UNC5D: variants seen among roughly 807,000 people sequenced by gnomAD.
The protein encoded by UNC5D is netrin receptor UNC5D.
In UNC5D, 39 loss-of-function variants were observed where a neutral mutation model predicts 105.4. That is an observed-to-expected ratio of 0.37 (90% CI 0.29 to 0.48). The LOEUF is 0.48. Among genes scored for constraint, UNC5D ranks in the 20% least tolerant of loss-of-function variants. The pLI, the probability that UNC5D is intolerant of heterozygous loss-of-function variation, is 0.98. For missense variants in UNC5D, 991 were observed against 1,202.4 expected (o/e 0.82, Z 2.60); for synonymous variants, 452 against 450.4 (o/e 1.00, Z -0.04).
At chr8:35,238,186 G>A (rs933382328) in intron 1 of UNC5D, among the ~76,000 whole-genome samples, 2 of 152,062 alleles carry the variant, frequency 1.3e-5, no homozygotes, top group African/African-American at 2.4e-5. Context: ...ATTCAGTAGC[G>A]TTTTCTTTAC....
At chr8:35,635,977 T>C (rs969987896) in intron 4 of UNC5D, among the ~76,000 whole-genome samples, 7 of 152,194 alleles carry the variant, frequency 4.6e-5, no homozygotes, top group African/African-American at 1.7e-4. Flanking sequence ...GAGGAAACTA[T>C]TGAGGAAGAA....
At position 35,418,945 on chromosome 8, in the gene UNC5D, A is replaced by C. The variant is rs1017459500; in HGVS notation, c.104-130347A>C. Reference sequence around the variant, plus strand: ...ATTTGTGGAAACAGCCTAACAATTCATAGGATGGTCACTCAATTCTGCTGC... The same window carrying C: ...ATTTGTGGAAACAGCCTAACAATTCCTAGGATGGTCACTCAATTCTGCTGC... On this transcript the variant is annotated intron_variant, in intron 1 of 16. Coordinates refer to ENST00000404895, the MANE Select transcript of UNC5D (RefSeq NM_080872.4). Among the ~76,000 whole-genome samples the C allele has an allele frequency of 9.8e-5, 15 of 152,328 alleles. 1 individual carries two copies. Among genetic ancestry groups the C allele is most frequent in the African/African-American group, 3.1e-4 (13 of 41,582 alleles).
intron 1 of UNC5D, among the ~76,000 whole-genome samples, chr8:35,444,476 ATG>A (rs376078271): frequency 6.6e-6 from 1 of 151,858 alleles, no homozygotes; most frequent in South Asian, 2.1e-4. Context: ...TAGAATGAGT[ATG>A]TGTGTGTGTG....
intron 1 of UNC5D, among the ~76,000 whole-genome samples, chr8:35,288,959 C>A (rs539656310): frequency 2.6e-5 from 4 of 152,032 alleles, no homozygotes; most frequent in Non-Finnish European, 4.4e-5. Flanking sequence ...ACCTAAAAAA[C>A]AATCAGGAAA....
At chr8:35,643,473 C>G (rs1033686245) in intron 4 of UNC5D, among the ~76,000 whole-genome samples, 2 of 152,124 alleles carry the variant, frequency 1.3e-5, no homozygotes, top group African/African-American at 4.8e-5. Context: ...CATGCCACCA[C>G]CCCCAGCTAA....
At chr8:35,736,478 C>T (rs528329078) in intron 11 of UNC5D, among the ~76,000 whole-genome samples, 3 of 152,164 alleles carry the variant, frequency 2.0e-5, no homozygotes, top group Admixed American at 1.3e-4. Context: ...TCAAGGGACC[C>T]TGCTACTATG....
chr8:35,499,780 G>C (rs1258805936), intron 1 of UNC5D, among the ~76,000 whole-genome samples: 1 of 152,180 alleles, frequency 6.6e-6, no homozygotes, highest in East Asian at 1.9e-4. Context: ...ATATGGAACA[G>C]TTAATGCCTT....
chr8:35,621,182 A>G (rs1036460302), intron 4 of UNC5D, among the ~76,000 whole-genome samples: 1 of 152,174 alleles, frequency 6.6e-6, no homozygotes, highest in Non-Finnish European at 1.5e-5. Flanking sequence ...AATCTCATTA[A>G]GATGCTCTCT....
At chr8:35,560,024 ACCATCCAACGG>A (rs1318525875) in intron 2 of UNC5D, among the ~76,000 whole-genome samples, 1 of 152,206 alleles carries the variant, frequency 6.6e-6, no homozygotes, top group Non-Finnish European at 1.5e-5. Context: ...CTACAACTAA[ACCATCCAACGG>A]CCTAGAAAGC....
intron 4 of UNC5D, among the ~76,000 whole-genome samples, chr8:35,639,831 G>A (rs1822600938): frequency 6.6e-6 from 1 of 151,860 alleles, no homozygotes; most frequent in Non-Finnish European, 1.5e-5. Context: ...TGCAACCTCT[G>A]CCTCTTGAGC....
At chr8:35,525,226 G>C (rs1813780441) in intron 1 of UNC5D, 7 of 1,611,566 alleles carry the variant, frequency 4.3e-6, no homozygotes, top group Non-Finnish European at 5.1e-6. Flanking sequence ...TGTGAACGTT[G>C]CAGTATCTTT....
chr8:35,700,553 A>G (rs1381924342), intron 7 of UNC5D, among the ~76,000 whole-genome samples: 1 of 152,204 alleles, frequency 6.6e-6, no homozygotes. Context: ...TAATCACCAG[A>G]GATTTCAGGA....
chr8:35,271,217 A>C (rs906729906), intron 1 of UNC5D, among the ~76,000 whole-genome samples: 2 of 148,462 alleles, frequency 1.3e-5, no homozygotes, highest in African/African-American at 2.4e-5. Flanking sequence ...AAATCTAAAA[A>C]AGTATACCTG....
rs904331522 is a variant in UNC5D, at chr8:35,491,109, G to T, written c.104-58183G>T. On this transcript the variant is annotated intron_variant, in intron 1 of 16. Coordinates refer to ENST00000404895, the MANE Select transcript of UNC5D (RefSeq NM_080872.4). ...GCTGCTTTAATATTACTTATTAAGG[G>T]TTTACCATTGTTTTTTATTTGCTTG... is the stretch of plus-strand genomic sequence containing the variant. Among the ~76,000 whole-genome samples the T allele has an allele frequency of 8.6e-5, 13 of 151,968 alleles. No individual in the cohort carries two copies. The South Asian group carries it at 2.3e-3, about 27-fold the overall frequency.
intron 3 of UNC5D, among the ~76,000 whole-genome samples, chr8:35,582,878 C>T (rs1056877210): frequency 6.6e-6 from 1 of 152,192 alleles, no homozygotes; most frequent in African/African-American, 2.4e-5. Flanking sequence ...AGAGGTCACT[C>T]AGGAAAGTCA....
At chr8:35,415,743 T>C (rs1184620093) in intron 1 of UNC5D, among the ~76,000 whole-genome samples, 1 of 152,186 alleles carries the variant, frequency 6.6e-6, no homozygotes, top group Admixed American at 6.5e-5. Flanking sequence ...ACTAAGTATT[T>C]CCAAATATAT....
intron 4 of UNC5D, among the ~76,000 whole-genome samples, chr8:35,605,229 A>G (rs1322375624): frequency 1.3e-5 from 2 of 152,056 alleles, no homozygotes; most frequent in East Asian, 1.9e-4. Context: ...TTTGGTGTGG[A>G]TGTCCTTTCT....
chr8:35,778,752 T>G (rs1340768409), intron 16 of UNC5D, among the ~76,000 whole-genome samples: 1 of 152,254 alleles, frequency 6.6e-6, no homozygotes, highest in East Asian at 1.9e-4. Context: ...AGAAAACATT[T>G]GCTTTTACTT....
chr8:35,561,540 T>G (rs769992421), intron 2 of UNC5D, among the ~76,000 whole-genome samples: 2 of 152,198 alleles, frequency 1.3e-5, no homozygotes. Flanking sequence ...CTGGGTATTC[T>G]TAAAATACTA....
Sources: gnomAD v4.1 joint callset for allele counts (sites outside exome capture counted in the v4.1 genomes callset) on GRCh38, gnomAD v4.1.1 for gene constraint, MANE v1.5 for transcripts, NCBI Gene and HGNC (gene_info 2026-07-23, HGNC 2026-07-21) for gene names.